NEURL1B: variants seen among roughly 807,000 people sequenced by gnomAD.
The protein encoded by NEURL1B is E3 ubiquitin-protein ligase NEURL1B.
NEURL1B carries 13 observed loss-of-function variants against 37.4 expected under a neutral mutation model. The observed-to-expected ratio is 0.35, with a 90% CI of 0.23 to 0.55. The LOEUF (loss-of-function observed/expected upper bound fraction) is 0.55, where lower values mean the gene tolerates loss of function less well. Among genes scored for constraint, NEURL1B ranks in the 20% least tolerant of loss-of-function variants. The pLI is 0.89. For missense variants in NEURL1B, 790 were observed against 879.2 expected, an observed-to-expected ratio of 0.90 and a Z score of 1.28; for synonymous variants, 432 against 426.6, an observed-to-expected ratio of 1.01 and a Z score of -0.16.
Position 172,687,031 on chromosome 5 carries a change from C to T in NEURL1B, c.*106C>T. ...GGGAGTCCACGGGCAGCGGCCATCT[C>T]TCCAGTGGTGGGCAAGGTGTGACAG... On this transcript the variant is annotated 3_prime_UTR_variant, in exon 5 of 5. Transcript: ENST00000369800. 7.6e-7 allele frequency: 1 copy of T among 1,315,326 alleles called. No individual in the cohort carries two copies. Among genetic ancestry groups the T allele is most frequent in the Non-Finnish European group, 1.0e-6 (1 of 971,120 alleles). 81.5% of individuals were successfully genotyped at this position (1,315,326 alleles called of 1,614,324 possible).
At chr5:172,674,438 G>A (rs747750075) in intron 2 of NEURL1B, among the ~76,000 whole-genome samples, 7 of 152,070 alleles carry the variant, frequency 4.6e-5, no homozygotes, top group Non-Finnish European at 7.4e-5. Context: ...CCAGAGTCCC[G>A]AGAAGGAAAG....
In NEURL1B at chr5:172,683,882, G is replaced by A; in HGVS notation, c.1041G>A (p.Pro347=). Reference sequence around the variant, plus strand: ...CCTTCGGCATCACGTCGTGCGACCCGGGCGTGCTACGGCCCAACGAGCTGC... The same window carrying A: ...CCTTCGGCATCACGTCGTGCGACCCAGGCGTGCTACGGCCCAACGAGCTGC... ...ALAFGITSCD[P]GVLRPNELPA... is the part of the protein sequence containing the mutation. Residue 347 remains proline (P), a synonymous_variant, in exon 3 of 5, where the codon CCG becomes CCA. Coordinates refer to ENST00000369800, the MANE Select transcript of NEURL1B (RefSeq NM_001142651.3). The surrounding 1 kb of genome is among the most constrained non-coding windows in gnomAD (Gnocchi z 5.6). 2 of 1,408,694 alleles carry A rather than the reference G, an allele frequency of 1.4e-6. No individual in the cohort carries two copies. The highest frequency in any genetic ancestry group is 9.3e-7 in the Non-Finnish European group (1 of 1,076,280). 87.3% of individuals were successfully genotyped at this position (1,408,694 alleles called of 1,614,324 possible).
At chr5:172,646,569 T>C (rs1402249424) in intron 1 of NEURL1B, among the ~76,000 whole-genome samples, 1 of 152,086 alleles carries the variant, frequency 6.6e-6, no homozygotes, top group Non-Finnish European at 1.5e-5. Flanking sequence ...TGATTTCTGC[T>C]AAGAAGGATA....
In NEURL1B at chr5:172,683,449, C is replaced by T. The variant is rs763064617; in HGVS notation, c.608C>T (p.Ala203Val). 35 of 1,458,236 alleles carry T rather than the reference C, an allele frequency of 2.4e-5. No homozygotes were observed. In the South Asian group the frequency reaches 4.6e-4, roughly 19 times the overall value. 90.3% of individuals were successfully genotyped at this position (1,458,236 alleles called of 1,614,324 possible). The change falls in exon 3 of 5, where the codon GCG becomes GTG. Residue 203 changes from alanine (A) to valine (V), a missense_variant. Physicochemically the swap from Ala to Val is moderately conservative, Grantham distance 64. Around this residue, in one of 3 missense-constraint regions of NEURL1B, gnomAD observed 460 missense variants for 407.4 expected, o/e 1.13. Transcript: ENST00000369800. This position sits in a 1 kb window ranked among gnomAD's most constrained non-coding sequence, Gnocchi z 5.6. ...ESAFADTLTP[A>V]RLSQARFSAC... ...GCCTTCGCTGACACGCTGACGCCCG[C>T]GCGCCTCAGCCAGGCCCGCTTCAGC... is the stretch of plus-strand genomic sequence containing the variant.
chr5:172,687,001 T>C lies in NEURL1B; in HGVS notation c.*76T>C. ...CCCCTGGGCTGGGCAACCACATGGC[T>C]GCCAGGGAGTCCACGGGCAGCGGCC... On this transcript the variant is annotated 3_prime_UTR_variant, in exon 5 of 5. Transcript: ENST00000369800. 1 of 1,470,416 alleles carries C rather than the reference T, an allele frequency of 6.8e-7. No homozygotes were observed. Among genetic ancestry groups the C allele is most frequent in the Non-Finnish European group, 9.1e-7 (1 of 1,094,364 alleles). 91.1% of individuals were successfully genotyped at this position (1,470,416 alleles called of 1,614,324 possible).
chr5:172,683,660 G>A lies in NEURL1B; in HGVS notation c.819G>A (p.Pro273=), dbSNP rs1758413890. Reference sequence around the variant, plus strand: ...AGCGCCCGCGGCCCGCGTCGTCGCCGGCGCTACTGGAGGCCGACCTGCGCT... The same window carrying A: ...AGCGCCCGCGGCCCGCGTCGTCGCCAGCGCTACTGGAGGCCGACCTGCGCT... ...PRERPRPASS[P]ALLEADLRFH... Residue 273 remains proline, a synonymous_variant, in exon 3 of 5, where the codon CCG becomes CCA. Transcript: ENST00000369800. The surrounding 1 kb of genome is among the most constrained non-coding windows in gnomAD (Gnocchi z 5.6). The A allele has an allele frequency of 7.8e-7, 1 of 1,280,238 alleles. No individual in the cohort carries two copies. Among genetic ancestry groups the A allele is most frequent in the Non-Finnish European group, 9.9e-7 (1 of 1,005,874 alleles). The allele number at this position is 1,280,238 out of a possible 1,614,324, so 79.3% of individuals were successfully genotyped here. A position where few individuals can be genotyped will look rare whatever the true frequency, so the allele number is the denominator to read the frequency against.
At chr5:172,648,229 A>G (rs2113258754) in intron 1 of NEURL1B, among the ~76,000 whole-genome samples, 1 of 152,270 alleles carries the variant, frequency 6.6e-6, no homozygotes, top group African/African-American at 2.4e-5. Flanking sequence ...GGGGAGAATG[A>G]TGTTACCTCT....
At chr5:172,660,237 C>T (rs1757869325) in intron 1 of NEURL1B, among the ~76,000 whole-genome samples, 2 of 152,200 alleles carry the variant, frequency 1.3e-5, no homozygotes, top group African/African-American at 4.8e-5. Context: ...AGTCAGGGGG[C>T]CCGGCAGAGG....
At chr5:172,674,651 G>A (rs1192165757) in intron 2 of NEURL1B, among the ~76,000 whole-genome samples, 1 of 152,170 alleles carries the variant, frequency 6.6e-6, no homozygotes, top group Non-Finnish European at 1.5e-5. Flanking sequence ...TGCTGCCAGG[G>A]TTGTGCTAAC....
At chr5:172,668,884 C>T (rs1428774296) in intron 1 of NEURL1B, among the ~76,000 whole-genome samples, 1 of 152,172 alleles carries the variant, frequency 6.6e-6, no homozygotes, top group African/African-American at 2.4e-5. Flanking sequence ...TGAAAGACCA[C>T]GCCGGGATTC....
In NEURL1B at chr5:172,687,361, G is replaced by T. The variant is rs1758530387; in HGVS notation, c.*436G>T. 1 of 168,020 alleles carries T rather than the reference G, an allele frequency of 6.0e-6. No homozygotes were observed. Among genetic ancestry groups the T allele is most frequent in the Admixed American group, 5.6e-5 (1 of 17,716 alleles). 10.4% of individuals were successfully genotyped at this position (168,020 alleles called of 1,614,324 possible). A position where few individuals can be genotyped will look rare whatever the true frequency, so the allele number is the denominator to read the frequency against. On this transcript the variant is annotated 3_prime_UTR_variant, in exon 5 of 5. Coordinates refer to ENST00000369800, the MANE Select transcript of NEURL1B (RefSeq NM_001142651.3). ...ACCAGGGGTCCCGGCTCCGGGAGGA[G>T]ACGTGCAATCCGGAGCCCCGACATT...
In NEURL1B at chr5:172,686,034, C is replaced by T; in HGVS notation, c.1298-137C>T. 1 of 1,017,102 alleles carries T rather than the reference C, an allele frequency of 9.8e-7. No individual in the cohort carries two copies. Among genetic ancestry groups the T allele is most frequent in the African/African-American group, 1.6e-5 (1 of 61,884 alleles). The allele number at this position is 1,017,102 out of a possible 1,614,324, so 63.0% of individuals were successfully genotyped here. ...ACCACACTGGGATGCACTCTTCACT[C>T]CTCAGCAGAACCCTGGGAGATACCT... On this transcript the variant is annotated intron_variant, in intron 3 of 4. Transcript: ENST00000369800. This position sits in a 1 kb window ranked among gnomAD's most constrained non-coding sequence, Gnocchi z 7.9.
At chr5:172,667,501 T>C (rs1758039484) in intron 1 of NEURL1B, among the ~76,000 whole-genome samples, 1 of 151,648 alleles carries the variant, frequency 6.6e-6, no homozygotes, top group Non-Finnish European at 1.5e-5. Context: ...ATCTATTAAA[T>C]ATAGTTGAAA....
At chr5:172,653,254 G>A (rs545647129) in intron 1 of NEURL1B, among the ~76,000 whole-genome samples, 1 of 152,304 alleles carries the variant, frequency 6.6e-6, no homozygotes, top group Non-Finnish European at 1.5e-5. Flanking sequence ...CCTTCTTACT[G>A]AGAAACTTCC....
chr5:172,641,502 G>A lies in NEURL1B; in HGVS notation c.31+65G>A, dbSNP rs1454795435. 1 of 1,231,228 alleles carries A rather than the reference G, an allele frequency of 8.1e-7. No individual in the cohort carries two copies. The highest frequency in any genetic ancestry group is 3.2e-5 in the East Asian group (1 of 31,708). The allele number at this position is 1,231,228 out of a possible 1,614,324, so 76.3% of individuals were successfully genotyped here. A position where few individuals can be genotyped will look rare whatever the true frequency, so the allele number is the denominator to read the frequency against. ...TTCTCTCCTCCGGGGGACCCGCTGGGTGACTCTGGAGAGCTACCCCACGGC... is the reference window on the plus strand; with the variant it reads ...TTCTCTCCTCCGGGGGACCCGCTGGATGACTCTGGAGAGCTACCCCACGGC... On this transcript the variant is annotated intron_variant, in intron 1 of 4. Transcript: ENST00000369800. The surrounding 1 kb of genome is among the most constrained non-coding windows in gnomAD (Gnocchi z 6.4).
chr5:172,686,138 C>T lies in NEURL1B; in HGVS notation c.1298-33C>T, dbSNP rs756883063. 1.3e-6 allele frequency: 2 copies of T among 1,549,352 alleles called. No homozygotes were observed. Among genetic ancestry groups the T allele is most frequent in the South Asian group, 2.4e-5 (2 of 83,752 alleles). On this transcript the variant is annotated intron_variant, in intron 3 of 4. Coordinates refer to ENST00000369800, the MANE Select transcript of NEURL1B (RefSeq NM_001142651.3). The surrounding 1 kb of genome is among the most constrained non-coding windows in gnomAD (Gnocchi z 7.9). ...GACTAGCAGGGCAGGTCCAACCTTC[C>T]ACTGCCCCTGATGGAATCTCTTTGG... is the stretch of plus-strand genomic sequence containing the variant.
intron 2 of NEURL1B, among the ~76,000 whole-genome samples, chr5:172,673,251 C>G (rs1332543235): frequency 1.3e-5 from 2 of 152,080 alleles, no homozygotes; most frequent in Non-Finnish European, 2.9e-5. Context: ...CATCAAAAAT[C>G]CCACCCAAAA....
chr5:172,673,269 A>G (rs1168111813), intron 2 of NEURL1B, among the ~76,000 whole-genome samples: 1 of 152,104 alleles, frequency 6.6e-6, no homozygotes, highest in Non-Finnish European at 1.5e-5. Context: ...AAATCTCCCA[A>G]TACCTGGGAG....
intron 1 of NEURL1B, among the ~76,000 whole-genome samples, chr5:172,654,524 A>G (rs2113271989): frequency 6.6e-6 from 1 of 152,160 alleles, no homozygotes; most frequent in Admixed American, 6.5e-5. Context: ...TTAATGTTAA[A>G]TCATCTAACA....
Sources: allele counts gnomAD v4.1 joint callset (sites outside exome capture counted in the v4.1 genomes callset), GRCh38; gene constraint gnomAD v4.1.1; regional missense constraint gnomAD v4.1.1; non-coding constraint Gnocchi (gnomAD v3.1); transcripts MANE v1.5; gene names NCBI Gene and HGNC (gene_info 2026-07-23, HGNC 2026-07-21).